CUBN: variants seen among roughly 807,000 people sequenced by gnomAD.
CUBN encodes the protein 460 kDa receptor.
Under a neutral mutation model 405.3 loss-of-function variants are expected in CUBN, and 282 were observed. The ratio of observed to expected loss-of-function variants is 0.70; its 90% CI spans 0.63 to 0.77. The LOEUF (loss-of-function observed/expected upper bound fraction) is 0.77, where lower values mean the gene tolerates loss of function less well. CUBN is among the 30% of genes least tolerant of loss of function. The pLI is 0.00. For synonymous variants in CUBN, 1,684 were observed against 1,617.0 expected (o/e 1.04, Z -0.99); for missense variants, 4,514 against 4,475.2 (o/e 1.01, Z -0.25).
At position 16,986,948 on chromosome 10, in the gene CUBN, G is replaced by A. The variant is rs186181906; in HGVS notation, c.4351-2669C>T. Among the ~76,000 whole-genome samples, 335 of 152,262 alleles carry A rather than the reference G, an allele frequency of 2.2e-3. 1 individual carries two copies. Among genetic ancestry groups the A allele is most frequent in the African/African-American group, 7.8e-3 (323 of 41,534 alleles). ...CCCCTTGAGATCACAAACATAATGG[G>A]TATGAGTTGGCTGGACCCAGAAGCC... On this transcript the variant is annotated intron_variant, in intron 29 of 66. Transcript: ENST00000377833.
At chr10:16,944,467 C>T (rs1191227991) in intron 36 of CUBN, among the ~76,000 whole-genome samples, 2 of 152,192 alleles carry the variant, frequency 1.3e-5, no homozygotes, top group African/African-American at 4.8e-5. Context: ...AATCCCAGCC[C>T]CATGTTTTAG....
In CUBN at chr10:17,047,520, T is replaced by A; in HGVS notation, c.3223A>T (p.Ile1075Phe). The A allele has an allele frequency of 6.2e-7, 1 of 1,614,008 alleles. No individual in the cohort carries two copies. Among genetic ancestry groups the A allele is most frequent in the Non-Finnish European group, 8.5e-7 (1 of 1,179,874 alleles). ...CCAGTTCTCACTGTGATCCGATAAA[T>A]GCATTCCCAGTTGTTGGGATAATTA... ...PNNYPNNWECIYRITVRTGQL... is the reference protein window; with the variant it reads ...PNNYPNNWECFYRITVRTGQL... The change falls in exon 23 of 67, where the codon ATT (isoleucine) becomes TTT (phenylalanine). Residue 1075 changes from isoleucine (I) to phenylalanine (F), a missense_variant. Around this residue, in one of 5 missense-constraint regions of CUBN, gnomAD observed 1,448 missense variants for 1,388.0 expected, o/e 1.04. Coordinates refer to ENST00000377833, the MANE Select transcript of CUBN (RefSeq NM_001081.4).
Position 16,961,780 on chromosome 10 carries a change from C to T in CUBN, c.4696-7232G>A, listed in dbSNP as rs376604590. Among the ~76,000 whole-genome samples, 880 of 137,772 alleles carry T rather than the reference C, an allele frequency of 6.4e-3. 15 individuals carry two copies. The highest frequency in any genetic ancestry group is 0.023 in the African/African-American group (848 of 37,374). The allele number at this position is 137,772 out of a possible 152,430, so 90.4% of individuals were successfully genotyped here. On this transcript the variant is annotated intron_variant, in intron 31 of 66. Coordinates refer to ENST00000377833, the MANE Select transcript of CUBN (RefSeq NM_001081.4). ...AGGCTGGAGTGCAGTGGCGGGATCT[C>T]GACTCACTGCAACCTCCGCCTCCCG...
At chr10:16,986,343 A>T (rs891343047) in intron 29 of CUBN, among the ~76,000 whole-genome samples, 2 of 147,980 alleles carry the variant, frequency 1.4e-5, no homozygotes, top group Non-Finnish European at 3.0e-5. Context: ...CACCCTCAGG[A>T]CCCACTGCTG....
At chr10:16,849,744 A>G (rs1345584468) in intron 60 of CUBN, among the ~76,000 whole-genome samples, 1 of 152,044 alleles carries the variant, frequency 6.6e-6, no homozygotes, top group Non-Finnish European at 1.5e-5. Flanking sequence ...TCTAAGACTG[A>G]CCTTCTCACC....
intron 27 of CUBN, among the ~76,000 whole-genome samples, chr10:17,025,035 A>C (rs1324362599): frequency 6.6e-6 from 1 of 152,216 alleles, no homozygotes; most frequent in East Asian, 1.9e-4. Context: ...TAAAACATGG[A>C]GAAACTTCTG....
At chr10:16,969,882 G>T (rs1054031814) in intron 31 of CUBN, among the ~76,000 whole-genome samples, 4 of 152,166 alleles carry the variant, frequency 2.6e-5, no homozygotes, top group African/African-American at 9.7e-5. Context: ...GCCTGAGGTT[G>T]ACTTCAACTT....
rs201443885 is a variant in CUBN at position 17,045,183 on chromosome 10, C to T, written c.3496G>A (p.Gly1166Arg). The change falls in exon 25 of 67, where the codon GGG (glycine) becomes AGG (arginine). Residue 1166 changes from glycine (G) to arginine (R), a missense_variant. Coordinates refer to ENST00000377833, the MANE Select transcript of CUBN (RefSeq NM_001081.4). Reference protein sequence around the residue: ...AYWDGSSTGCGGNLTTSSGTF... With the variant: ...AYWDGSSTGCRGNLTTSSGTF... ...CCGCTTGAAGTGGTGAGATTACCCCCGCAACCTACAGGAGAAAGAAGTGGA... is the reference window on the plus strand; with the variant it reads ...CCGCTTGAAGTGGTGAGATTACCCCTGCAACCTACAGGAGAAAGAAGTGGA... 2.4e-5 allele frequency: 39 copies of T among 1,613,342 alleles called. No individual in the cohort carries two copies. Among genetic ancestry groups the T allele is most frequent in the Non-Finnish European group, 3.0e-5 (35 of 1,179,830 alleles).
chr10:16,894,251 C>A (rs1304800755), intron 54 of CUBN, among the ~76,000 whole-genome samples: 1 of 151,984 alleles, frequency 6.6e-6, no homozygotes, highest in Non-Finnish European at 1.5e-5. Context: ...TCTTATGAAT[C>A]ATTCTTTTGT....
chr10:17,023,991 C>T (rs1422983892), intron 27 of CUBN, among the ~76,000 whole-genome samples: 1 of 145,500 alleles, frequency 6.9e-6, no homozygotes, highest in Non-Finnish European at 1.5e-5. Flanking sequence ...CCCCACCCTA[C>T]CCCCAAATAT....
intron 28 of CUBN, among the ~76,000 whole-genome samples, chr10:17,018,633 G>T (rs1267952480): frequency 2.0e-5 from 3 of 152,270 alleles, no homozygotes; most frequent in African/African-American, 7.2e-5. Flanking sequence ...TGCCGCTGCT[G>T]GCTAGGGTGG....
chr10:16,946,910 A>T (rs1276351652), intron 36 of CUBN, among the ~76,000 whole-genome samples: 6 of 152,110 alleles, frequency 3.9e-5, no homozygotes, highest in Admixed American at 3.9e-4. Flanking sequence ...AAACAATACT[A>T]GTGATTCCCT....
At chr10:16,843,731 T>C (rs1371227250) in intron 60 of CUBN, among the ~76,000 whole-genome samples, 1 of 152,172 alleles carries the variant, frequency 6.6e-6, no homozygotes, top group Admixed American at 6.5e-5. Context: ...GTAAAGCCCT[T>C]TCCAGATCTT....
chr10:17,084,193 C>A (rs1836042798), intron 17 of CUBN, 78 bp downstream of exon 17: 9 of 1,449,948 alleles, frequency 6.2e-6, no homozygotes, highest in Non-Finnish European at 8.7e-6. Context: ...GCCCAACAAT[C>A]TTTTGAAGAC....
At chr10:17,058,346 G>A (rs893591849) in intron 22 of CUBN, among the ~76,000 whole-genome samples, 3 of 151,906 alleles carry the variant, frequency 2.0e-5, no homozygotes. Context: ...ACACAATTCT[G>A]AAAATTATGG....
chr10:16,829,713 A>C (rs1838917571), intron 65 of CUBN, among the ~76,000 whole-genome samples: 1 of 152,226 alleles, frequency 6.6e-6, no homozygotes. Context: ...TGGCTGGCAT[A>C]GTTACAGAGC....
At chr10:16,872,357 T>TATATATATATATAG (rs980619583) in intron 58 of CUBN, among the ~76,000 whole-genome samples, 1,725 of 151,358 alleles carry the variant, frequency 0.011, 36 homozygotes, top group African/African-American at 0.039. Context: ...TACATATATA[T>TATATATATATATAG]ATAGATAGAT....
intron 55 of CUBN, among the ~76,000 whole-genome samples, chr10:16,889,298 G>A (rs1009420028): frequency 2.6e-5 from 4 of 152,140 alleles, no homozygotes; most frequent in Admixed American, 2.6e-4. Flanking sequence ...TTGTCTTTCA[G>A]TACTTCCTTT....
chr10:17,113,763 G>A (rs1836821353), intron 8 of CUBN, among the ~76,000 whole-genome samples: 1 of 152,182 alleles, frequency 6.6e-6, no homozygotes, highest in Non-Finnish European at 1.5e-5. Context: ...GTCAGTTGGT[G>A]GTCACTGCAA....
Sources: allele counts gnomAD v4.1 joint callset (sites outside exome capture counted in the v4.1 genomes callset), GRCh38; gene constraint gnomAD v4.1.1; regional missense constraint gnomAD v4.1.1; transcripts MANE v1.5; gene names NCBI Gene and HGNC (gene_info 2026-07-23, HGNC 2026-07-21).